CD226: variants seen among roughly 807,000 people sequenced by gnomAD.
CD226 encodes CD226 molecule.
CD226 carries 24 observed loss-of-function variants against 34.9 expected under a neutral mutation model. The ratio of observed to expected loss-of-function variants is 0.69; its 90% CI spans 0.50 to 0.97. CD226 has a LOEUF of 0.97. CD226 is among the 50% of genes least tolerant of loss of function. The pLI, the probability that CD226 is intolerant of heterozygous loss-of-function variation, is 0.00. For synonymous variants in CD226, 148 were observed against 147.4 expected (o/e 1.00, Z -0.03); for missense variants, 397 against 412.7 (o/e 0.96, Z 0.33).
intron 4 of CD226, among the ~76,000 whole-genome samples, chr18:69,869,802 T>TC (rs200398641): frequency 0.011 from 1,647 of 143,242 alleles, 27 homozygotes; most frequent in African/African-American, 0.04. Flanking sequence ...TTTTTTTCTT[T>TC]TTTTTTTTTT....
At chr18:69,864,477 T>C in intron 5 of CD226, 38 bp from the exon 6 acceptor site, 2 of 1,602,424 alleles carry the variant, frequency 1.2e-6, no homozygotes, top group South Asian at 1.1e-5. Context: ...AATAATTCAC[T>C]GCATTTCAAC....
chr18:69,890,769 C>T (rs1984848489), intron 3 of CD226, among the ~76,000 whole-genome samples: 1 of 152,096 alleles, frequency 6.6e-6, no homozygotes, highest in Non-Finnish European at 1.5e-5. Context: ...GTGTAGGACA[C>T]CTTTGTGCCT....
chr18:69,909,195 TAA>T (rs1369676494), intron 2 of CD226, among the ~76,000 whole-genome samples: 1 of 152,224 alleles, frequency 6.6e-6, no homozygotes, highest in Non-Finnish European at 1.5e-5. Flanking sequence ...CCAGGCACAT[TAA>T]GTTTCCCAAT....
At chr18:69,960,853 T>C (rs2055926423), upstream of CD226, among the ~76,000 whole-genome samples, 1 of 152,212 alleles carries the variant, frequency 6.6e-6, no homozygotes, top group Non-Finnish European at 1.5e-5. Context: ...AACAGCAACC[T>C]TGATAGTGAG....
intron 3 of CD226, among the ~76,000 whole-genome samples, chr18:69,890,920 A>C (rs1041426145): frequency 1.3e-5 from 2 of 152,020 alleles, no homozygotes; most frequent in African/African-American, 4.8e-5. Context: ...ATGTGTAATC[A>C]ATAAATGATT....
intron 4 of CD226, among the ~76,000 whole-genome samples, chr18:69,872,588 G>T (rs564816630): frequency 2.0e-4 from 30 of 152,074 alleles, no homozygotes; most frequent in African/African-American, 7.2e-4. Flanking sequence ...AGGCCAAATG[G>T]CTCCCTGCTG....
chr18:69,923,654 G>T (rs1239249915), intron 2 of CD226, among the ~76,000 whole-genome samples: 2 of 152,138 alleles, frequency 1.3e-5, no homozygotes, highest in African/African-American at 2.4e-5. Context: ...ATGGAAAAAG[G>T]TTAGTCAATA....
intron 3 of CD226, among the ~76,000 whole-genome samples, chr18:69,890,207 A>G (rs1443073705): frequency 6.6e-6 from 1 of 152,250 alleles, no homozygotes; most frequent in African/African-American, 2.4e-5. Context: ...AAGAACACTT[A>G]CTGGGCATAT....
intron 2 of CD226, among the ~76,000 whole-genome samples, chr18:69,899,940 A>T (rs1985506295): frequency 6.6e-6 from 1 of 152,236 alleles, no homozygotes; most frequent in African/African-American, 2.4e-5. Context: ...ATATACCCAG[A>T]GGAATATAAA....
At chr18:69,958,830 T>C (rs1034290686), upstream of CD226, among the ~76,000 whole-genome samples, 4 of 130,484 alleles carry the variant, frequency 3.1e-5, no homozygotes, top group African/African-American at 1.5e-4. Flanking sequence ...CACACACACA[T>C]CCTTCTCCTT....
intron 2 of CD226, among the ~76,000 whole-genome samples, chr18:69,900,537 C>T (rs1284973777): frequency 2.0e-5 from 3 of 151,320 alleles, no homozygotes; most frequent in Non-Finnish European, 2.9e-5. Flanking sequence ...TCGAGACCAT[C>T]CTGGCTAACA....
chr18:69,894,867 T>C (rs1026252776), intron 3 of CD226, among the ~76,000 whole-genome samples: 1 of 151,736 alleles, frequency 6.6e-6, no homozygotes, highest in African/African-American at 2.4e-5. Flanking sequence ...CTTTTTCTCA[T>C]ACTCATGCAA....
chr18:69,900,678 G>A (rs1598989746), intron 2 of CD226, among the ~76,000 whole-genome samples: 3 of 147,956 alleles, frequency 2.0e-5, no homozygotes, highest in Admixed American at 1.3e-4. Context: ...CTTGCAGTGA[G>A]CCGAGATTGC....
At chr18:69,913,055 C>T (rs1046385744) in intron 2 of CD226, among the ~76,000 whole-genome samples, 4 of 152,094 alleles carry the variant, frequency 2.6e-5, no homozygotes, top group Non-Finnish European at 5.9e-5. Flanking sequence ...TGAATAGGGA[C>T]AATAGAAAAG....
At chr18:69,909,684 A>G (rs1208950466) in intron 2 of CD226, among the ~76,000 whole-genome samples, 2 of 152,246 alleles carry the variant, frequency 1.3e-5, no homozygotes, top group Non-Finnish European at 2.9e-5. Flanking sequence ...AAGAGTGTCC[A>G]TGGTATTTAT....
At chr18:69,873,104 A>G (rs1185473732) in intron 4 of CD226, 40 bp downstream of exon 4, 2 of 1,085,344 alleles carry the variant, frequency 1.8e-6, no homozygotes, top group Non-Finnish European at 2.9e-6. Flanking sequence ...GAGAACCTCT[A>G]ACATGGTGAA....
At chr18:69,916,022 CAGTT>C (rs758682389) in intron 2 of CD226, among the ~76,000 whole-genome samples, 1 of 152,046 alleles carries the variant, frequency 6.6e-6, no homozygotes, top group Non-Finnish European at 1.5e-5. Context: ...TGTAGAATAA[CAGTT>C]AAGAGAACAA....
upstream of CD226, among the ~76,000 whole-genome samples, chr18:69,949,991 CTT>C (rs971650430): frequency 4.6e-5 from 7 of 152,022 alleles, no homozygotes; most frequent in African/African-American, 1.2e-4. Flanking sequence ...CACATTCACA[CTT>C]TGTTTCTCAC....
intron 2 of CD226, among the ~76,000 whole-genome samples, chr18:69,931,583 G>A (rs1373529696): frequency 6.6e-6 from 1 of 152,148 alleles, no homozygotes; most frequent in Non-Finnish European, 1.5e-5. Context: ...TAGAGAGACC[G>A]ACAGAACCAT....
Sources: allele counts gnomAD v4.1 joint callset (sites outside exome capture counted in the v4.1 genomes callset), GRCh38; gene constraint gnomAD v4.1.1; transcripts MANE v1.5; gene names NCBI Gene and HGNC (gene_info 2026-07-23, HGNC 2026-07-21).